The following COG4 variants were observed in gnomAD, a reference collection of about 807,000 sequenced individuals.
The protein encoded by COG4 is component of oligomeric golgi complex 4, also known as conserved oligomeric Golgi complex subunit 4.
Under a neutral mutation model 95.1 loss-of-function variants are expected in COG4, and 65 were observed. The observed-to-expected ratio is 0.68, with a 90% confidence interval of 0.56 to 0.84. The LOEUF is 0.84. Among genes scored for constraint, COG4 ranks in the 40% least tolerant of loss-of-function variants. COG4 has a pLI of 0.00. For synonymous variants in COG4, 421 were observed against 374.8 expected, an observed-to-expected ratio of 1.12 and a Z score of -1.42; for missense variants, 1,045 against 989.1, an observed-to-expected ratio of 1.06 and a Z score of -0.76.
chr16:70,481,386 C>T lies in COG4; in HGVS notation c.2208G>A (p.Gln736=). Residue 736 remains glutamine, a synonymous_variant, in exon 18 of 19, where the codon CAG becomes CAA. Coordinates refer to ENST00000323786, the MANE Select transcript of COG4 (RefSeq NM_015386.3). ...GCTCCAGATTGAGGATGGTGGCCATCTGGGAGAGCCGGGCAAACTTGTCTC... is the reference window on the plus strand; with the variant it reads ...GCTCCAGATTGAGGATGGTGGCCATTTGGGAGAGCCGGGCAAACTTGTCTC... ...TIRDKFARLS[Q]MATILNLERV... is the part of the protein sequence containing the mutation. The T allele has an allele frequency of 6.2e-7, 1 of 1,613,328 alleles. No homozygotes were observed. Among genetic ancestry groups the T allele is most frequent in the Non-Finnish European group, 8.5e-7 (1 of 1,179,980 alleles).
chr16:70,480,752 G>C lies in COG4; in HGVS notation c.*258C>G, dbSNP rs547912487. On this transcript the variant is annotated 3_prime_UTR_variant, in exon 19 of 19. Transcript: ENST00000323786. ...TGCAGAAAGCTGGCCTGGGCTGCTC[G>C]CTGCCTGCCGTGGCTTTCCCACCTC... 3 of 523,778 alleles carry C rather than the reference G, an allele frequency of 5.7e-6. No individual in the cohort carries two copies. Among genetic ancestry groups the C allele is most frequent in the Non-Finnish European group, 1.0e-5 (3 of 288,484 alleles). 32.4% of individuals were successfully genotyped at this position (523,778 alleles called of 1,614,324 possible).
chr16:70,517,816 A>G (rs2049856184), intron 2 of COG4, 76 bp from the exon 3 acceptor site: 1 of 884,584 alleles, frequency 1.1e-6, no homozygotes, highest in Admixed American at 1.8e-5. Flanking sequence ...GCATATGGAC[A>G]CTATGTCTTC....
chr16:70,496,245 C>G (rs529186566), intron 12 of COG4, 21 bp downstream of exon 12: 3 of 1,614,026 alleles, frequency 1.9e-6, no homozygotes, highest in South Asian at 1.1e-5. Context: ...CAACCCAGCT[C>G]GTGAGCTGTG....
intron 7 of COG4, chr16:70,508,939 G>A: frequency 1.9e-6 from 1 of 540,254 alleles, no homozygotes; most frequent in Non-Finnish European, 3.4e-6. Flanking sequence ...TCATTAGAGG[G>A]CACTGTTGCA....
intron 8 of COG4, among the ~76,000 whole-genome samples, chr16:70,507,289 G>T (rs188833940): frequency 1.3e-5 from 2 of 151,758 alleles, no homozygotes; most frequent in African/African-American, 4.8e-5. Flanking sequence ...AAACTGTATC[G>T]GTATACACAA....
chr16:70,516,089 A>G (rs2049816957), intron 3 of COG4: 1 of 455,584 alleles, frequency 2.2e-6, no homozygotes, highest in African/African-American at 2.0e-5. Flanking sequence ...TTCTGAGTCT[A>G]TGAGGTGATC....
At chr16:70,489,372 C>G (rs1374849554) in intron 13 of COG4, among the ~76,000 whole-genome samples, 1 of 151,696 alleles carries the variant, frequency 6.6e-6, no homozygotes, top group Non-Finnish European at 1.5e-5. Context: ...CGCCTGCCAC[C>G]ATGGCTGGCT....
chr16:70,496,243 C>T (rs767744080), intron 12 of COG4, 23 bp downstream of exon 12: 31 of 1,613,910 alleles, frequency 1.9e-5, no homozygotes, highest in Non-Finnish European at 2.3e-5. Context: ...ACCAACCCAG[C>T]TCGTGAGCTG....
rs184022616 is a variant in COG4, at chr16:70,488,478, C to T, written c.1710+1852G>A. On this transcript the variant is annotated intron_variant, in intron 13 of 18. Transcript: ENST00000323786. ...CTCATTATGTTGCCCAGGCTGGCCT[C>T]GAACTCCTGGCCTCAAGCAATCCTC... 3.4e-4 allele frequency among the ~76,000 whole-genome samples: 51 copies of T among 151,980 alleles called. 1 individual carries two copies. The East Asian group carries it at 9.7e-3, about 29-fold the overall frequency.
chr16:70,496,433 T>TG lies in COG4; in HGVS notation c.1482-3dup, dbSNP rs755746795. On this transcript the variant is annotated splice_region_variant and splice_polypyrimidine_tract_variant and intron_variant, in intron 11 of 18. Coordinates refer to ENST00000323786, the MANE Select transcript of COG4 (RefSeq NM_015386.3). ...CGCAGCTTATTACACAGAACATCCC[T>TG]GGGGGGCAGGATTGCATAGAGGAAT... 3.1e-5 allele frequency: 50 copies of TG among 1,613,802 alleles called. No homozygotes were observed. The highest frequency in any genetic ancestry group is 4.0e-5 in the African/African-American group (3 of 74,882).
In COG4 at chr16:70,512,305, C is replaced by T. The variant is rs1223659799; in HGVS notation, c.672G>A (p.Lys224=). ...GDLPQVERFF[K]IFPLLGLHEE... ...CATGCAAACCCAGCAGTGGGAAGAT[C>T]TTGAAGAAGCGCTCCACCTGGGGCA... Residue 224 remains lysine, a synonymous_variant, in exon 5 of 19, where the codon AAG becomes AAA. Transcript: ENST00000323786. 3 of 1,614,202 alleles carry T rather than the reference C, an allele frequency of 1.9e-6. No homozygotes were observed. Among genetic ancestry groups the T allele is most frequent in the Admixed American group, 3.3e-5 (2 of 60,028 alleles).
chr16:70,485,578 G>GTT (rs1186859804), intron 13 of COG4, among the ~76,000 whole-genome samples: 11 of 137,610 alleles, frequency 8.0e-5, no homozygotes, highest in East Asian at 4.2e-4. Context: ...CAAAAATCCT[G>GTT]TTTTTTTTGT....
intron 3 of COG4, 108 bp from the exon 4 acceptor site, chr16:70,514,617 C>G: frequency 1.1e-6 from 1 of 880,422 alleles, no homozygotes; most frequent in Admixed American, 2.0e-5. Context: ...ATGTCAATAG[C>G]AATCTCACAA....
At chr16:70,498,662 G>GA (rs1342005497) in intron 9 of COG4, among the ~76,000 whole-genome samples, 2 of 152,098 alleles carry the variant, frequency 1.3e-5, no homozygotes, top group Non-Finnish European at 2.9e-5. Flanking sequence ...GTGAAATTGA[G>GA]AAAATAACCA....
At chr16:70,495,397 C>CAAAAA (rs11382671) in intron 12 of COG4, among the ~76,000 whole-genome samples, 8 of 111,320 alleles carry the variant, frequency 7.2e-5, no homozygotes, top group East Asian at 2.4e-4. Flanking sequence ...GACTCCATCT[C>CAAAAA]AAAAAAAAAA....
chr16:70,500,447 C>T (rs1192972441), intron 9 of COG4, among the ~76,000 whole-genome samples: 4 of 144,882 alleles, frequency 2.8e-5, no homozygotes, highest in Non-Finnish European at 5.9e-5. Flanking sequence ...TGGCCCTATG[C>T]CCCCCAGGGT....
chr16:70,501,186 C>A (rs953626450), intron 8 of COG4, 95 bp from the exon 9 acceptor site: 1 of 1,417,014 alleles, frequency 7.1e-7, no homozygotes, highest in African/African-American at 1.4e-5. Flanking sequence ...CCCCTCCCCA[C>A]TGGGCCCATA....
chr16:70,519,783 G>C (rs750241951), intron 1 of COG4, 52 bp from the exon 2 acceptor site: 1 of 1,343,306 alleles, frequency 7.4e-7, no homozygotes, highest in Non-Finnish European at 1.1e-6. Context: ...GGAACCTTAA[G>C]AGTTATCTAA....
intron 1 of COG4, chr16:70,523,057 A>C (rs2049985592): frequency 2.6e-6 from 1 of 382,318 alleles, no homozygotes; most frequent in African/African-American, 2.1e-5. Flanking sequence ...TTTGAGAACC[A>C]AGCAATTTGG....
Sources: allele counts gnomAD v4.1 joint callset (sites outside exome capture counted in the v4.1 genomes callset), GRCh38; gene constraint gnomAD v4.1.1; transcripts MANE v1.5; gene names NCBI Gene and HGNC (gene_info 2026-07-23, HGNC 2026-07-21).